FGF12: variants seen among roughly 807,000 people sequenced by gnomAD.
FGF12 encodes the protein fibroblast growth factor 12.
In FGF12, 14 loss-of-function variants were observed where a neutral mutation model predicts 23.6. That is an observed-to-expected ratio of 0.59 (90% CI 0.39 to 0.93). The LOEUF (loss-of-function observed/expected upper bound fraction) is 0.93, where lower values mean the gene tolerates loss of function less well. FGF12 is among the 40% of genes least tolerant of loss of function. The pLI is 0.00. For missense variants in FGF12, 175 were observed against 217.8 expected (o/e 0.80, Z 1.24); for synonymous variants, 62 against 77.3 (o/e 0.80, Z 1.04).
chr3:192,170,688 G>T, intron 4 of FGF12, 32 bp from the exon 5 acceptor site: 1 of 1,549,714 alleles, frequency 6.5e-7, no homozygotes, highest in South Asian at 1.2e-5. Flanking sequence ...ACACAAAAAA[G>T]AGAAATGATT....
rs557922866 is a variant in FGF12, at chr3:192,232,458, TC to T, written c.229-61803del. ...AAAGAGTTCTCATAATTTGTATAATTCCATAGTCAACCCTAGCAAGTGAAGA... is the reference window on the plus strand; with the variant it reads ...AAAGAGTTCTCATAATTTGTATAATTCATAGTCAACCCTAGCAAGTGAAGA... On this transcript the variant is annotated intron_variant, in intron 4 of 5. Coordinates refer to ENST00000445105, the MANE Select transcript of FGF12 (RefSeq NM_004113.6). Among the ~76,000 whole-genome samples, 9 of 152,252 alleles carry T rather than the reference TC, an allele frequency of 5.9e-5. No homozygotes were observed. The East Asian group carries it at 1.7e-3, about 29-fold the overall frequency.
At chr3:192,664,605 C>CAAAAAAAAAAAAAAAAAAA (rs763256973) in intron 2 of FGF12, among the ~76,000 whole-genome samples, 2 of 111,922 alleles carry the variant, frequency 1.8e-5, no homozygotes, top group African/African-American at 3.5e-5. Context: ...AAAAAAAATA[C>CAAAAAAAAAAAAAAAAAAA]AAAAAAAAAA....
At chr3:192,580,489 G>A (rs1477812562) in intron 2 of FGF12, among the ~76,000 whole-genome samples, 3 of 152,162 alleles carry the variant, frequency 2.0e-5, no homozygotes, top group African/African-American at 4.8e-5. Flanking sequence ...TGTAGATACC[G>A]GGATCCTAAG....
rs1323022423 is a variant in FGF12, at chr3:192,514,755, C to T, written c.14-154217G>A. ...TCTTCAGAGAAAGCTCAAGAATCTT[C>T]ATGGAGAAGCGCGTGTGTGGGGTTG... On this transcript the variant is annotated intron_variant, in intron 2 of 5. Transcript: ENST00000445105. The surrounding 1 kb of genome is among the most constrained non-coding windows in gnomAD (Gnocchi z 4.9). 1.0e-6 allele frequency: 1 copy of T among 985,312 alleles called. No homozygotes were observed. Among genetic ancestry groups the T allele is most frequent in the Admixed American group, 6.1e-5 (1 of 16,270 alleles). 61.0% of individuals were successfully genotyped at this position (985,312 alleles called of 1,614,324 possible).
intron 2 of FGF12, among the ~76,000 whole-genome samples, chr3:192,392,414 A>AAAAC: frequency 7.0e-6 from 1 of 143,712 alleles, no homozygotes; most frequent in East Asian, 2.0e-4. Context: ...CTAAAAATAA[A>AAAAC]AAATAAATAA....
chr3:192,716,004 T>C (rs1249854986), intron 2 of FGF12, among the ~76,000 whole-genome samples: 2 of 152,268 alleles, frequency 1.3e-5, no homozygotes, highest in Non-Finnish European at 2.9e-5. Flanking sequence ...TCCCTTATTC[T>C]GATATTTCTG....
In FGF12 at chr3:192,573,862, C is replaced by G. The variant is rs13325689; in HGVS notation, c.13+153319G>C. On this transcript the variant is annotated intron_variant, in intron 2 of 5. Coordinates refer to ENST00000445105, the MANE Select transcript of FGF12 (RefSeq NM_004113.6). ...ATTTAATTGCCATCTTATCCATGCC[C>G]TTCCTCTTACATGTTCAGCAAGTGT... Among the ~76,000 whole-genome samples the G allele has an allele frequency of 5.3e-3, 806 of 152,266 alleles. 9 individuals carry two copies. Among genetic ancestry groups the G allele is most frequent in the East Asian group, 0.028 (147 of 5,172 alleles).
chr3:192,664,605 C>CAAAAAAA lies in FGF12; in HGVS notation c.13+62569_13+62575dup, dbSNP rs763256973. ...CTCTACTAAAAATACAAAAAAAATA[C>CAAAAAAA]AAAAAAAAAAAAAAGCTGGGCATGG... is the stretch of plus-strand genomic sequence containing the variant. On this transcript the variant is annotated intron_variant, in intron 2 of 5. Transcript: ENST00000445105. Among the ~76,000 whole-genome samples, 2 of 111,922 alleles carry CAAAAAAA rather than the reference C, an allele frequency of 1.8e-5. 1 individual carries two copies. Among genetic ancestry groups the CAAAAAAA allele is most frequent in the Admixed American group, 1.9e-4 (2 of 10,440 alleles). The allele number at this position is 111,922 out of a possible 152,430, so 73.4% of individuals were successfully genotyped here.
chr3:192,193,546 C>A (rs1560186996), intron 4 of FGF12, among the ~76,000 whole-genome samples: 1 of 152,190 alleles, frequency 6.6e-6, no homozygotes, highest in Non-Finnish European at 1.5e-5. Context: ...ATTTATTTGA[C>A]ATTCTCTTAC....
intron 3 of FGF12, among the ~76,000 whole-genome samples, chr3:192,351,511 A>C (rs1015615591): frequency 2.6e-5 from 4 of 152,234 alleles, no homozygotes; most frequent in Non-Finnish European, 5.9e-5. Flanking sequence ...CAGGTATCTC[A>C]AACTGAAAAG....
chr3:192,472,696 A>G (rs1448061394), intron 2 of FGF12, among the ~76,000 whole-genome samples: 3 of 152,096 alleles, frequency 2.0e-5, no homozygotes, highest in African/African-American at 7.2e-5. Flanking sequence ...CTGCTCCAGG[A>G]AGAGGGATGT....
chr3:192,255,471 TTTAAA>T (rs1417377284), intron 4 of FGF12, among the ~76,000 whole-genome samples: 2 of 151,886 alleles, frequency 1.3e-5, no homozygotes, highest in Non-Finnish European at 2.9e-5. Context: ...ACCTAGAAAG[TTTAAA>T]TTATCAATGC....
intron 2 of FGF12, among the ~76,000 whole-genome samples, chr3:192,518,194 C>T (rs556559569): frequency 6.6e-6 from 1 of 152,158 alleles, no homozygotes; most frequent in South Asian, 2.1e-4. Flanking sequence ...TTAAAGTTAG[C>T]CATTCTTTCT....
intron 2 of FGF12, among the ~76,000 whole-genome samples, chr3:192,383,956 G>A (rs76274145): frequency 0.021 from 3,262 of 152,232 alleles, 120 homozygotes; most frequent in African/African-American, 0.074. Flanking sequence ...TAAGATCCAG[G>A]ACTCAGCCTT....
chr3:192,624,713 C>T (rs1294662698), intron 2 of FGF12, among the ~76,000 whole-genome samples: 1 of 151,990 alleles, frequency 6.6e-6, no homozygotes, highest in African/African-American at 2.4e-5. Context: ...TAAACATTTC[C>T]ATTTACTATA....
At chr3:192,353,366 CTTTTT>C (rs34992097) in intron 3 of FGF12, among the ~76,000 whole-genome samples, 2 of 98,408 alleles carry the variant, frequency 2.0e-5, no homozygotes, top group South Asian at 3.9e-4. Context: ...GAGCAGAAGT[CTTTTT>C]TTTTTTTTTT....
At chr3:192,330,661 C>G (rs1239522133) in intron 4 of FGF12, among the ~76,000 whole-genome samples, 1 of 152,038 alleles carries the variant, frequency 6.6e-6, no homozygotes, top group Non-Finnish European at 1.5e-5. Flanking sequence ...TGAGATCACA[C>G]CACTGCACTC....
chr3:192,618,174 T>G (rs371357579), intron 2 of FGF12, among the ~76,000 whole-genome samples: 9 of 152,058 alleles, frequency 5.9e-5, no homozygotes, highest in African/African-American at 2.2e-4. Context: ...TATTGTACGT[T>G]TTTCTGATTT....
chr3:192,245,998 A>C (rs961170703), intron 4 of FGF12, among the ~76,000 whole-genome samples: 25 of 152,206 alleles, frequency 1.6e-4, no homozygotes, highest in Admixed American at 1.6e-3. Flanking sequence ...AAAAACATTA[A>C]AATTAAAATG....
Sources: allele counts gnomAD v4.1 joint callset (sites outside exome capture counted in the v4.1 genomes callset), GRCh38; gene constraint gnomAD v4.1.1; non-coding constraint Gnocchi (gnomAD v3.1); transcripts MANE v1.5; gene names NCBI Gene and HGNC (gene_info 2026-07-23, HGNC 2026-07-21).